FRAS1: variants seen among roughly 807,000 people sequenced by gnomAD.
The protein encoded by FRAS1 is Fraser extracellular matrix complex subunit 1, also known as extracellular matrix organizing protein FRAS1.
FRAS1 carries 290 observed loss-of-function variants against 435.2 expected under a neutral mutation model. That is an observed-to-expected ratio of 0.67 (90% confidence interval 0.61 to 0.73). The LOEUF (loss-of-function observed/expected upper bound fraction) is 0.73, where lower values mean the gene tolerates loss of function less well. Among genes scored for constraint, FRAS1 ranks in the 30% least tolerant of loss-of-function variants. The pLI, the probability that FRAS1 is intolerant of heterozygous loss-of-function variation, is 0.00. For synonymous variants in FRAS1, 1,800 were observed against 1,851.0 expected (o/e 0.97, Z 0.71); for missense variants, 4,860 against 5,001.5 (o/e 0.97, Z 0.85).
At chr4:78,325,622 G>T (rs778489981) in intron 18 of FRAS1, among the ~76,000 whole-genome samples, 11 of 152,150 alleles carry the variant, frequency 7.2e-5, no homozygotes, top group Non-Finnish European at 1.3e-4. Flanking sequence ...TTATAGCATG[G>T]GTGTGCCAGG....
intron 22 of FRAS1, among the ~76,000 whole-genome samples, chr4:78,369,313 C>G (rs1731403273): frequency 1.3e-5 from 2 of 152,136 alleles, no homozygotes; most frequent in Admixed American, 1.3e-4. Flanking sequence ...GGGATCATCC[C>G]TGAATGTCAG....
intron 38 of FRAS1, among the ~76,000 whole-genome samples, chr4:78,437,410 G>A (rs1734472302): frequency 6.6e-6 from 1 of 152,196 alleles, no homozygotes; most frequent in Non-Finnish European, 1.5e-5. Flanking sequence ...TCCAAGTGGA[G>A]AAAGTTTAAA....
intron 60 of FRAS1, 107 bp from the exon 61 acceptor site, chr4:78,499,607 TACTGTTA>T: frequency 1.0e-6 from 1 of 957,562 alleles, no homozygotes; most frequent in East Asian, 2.5e-5. Flanking sequence ...TTTGCCTTCA[TACTGTTA>T]ACTAATGTGA....
At position 78,282,906 on chromosome 4, in the gene FRAS1, A is replaced by G. The variant is rs758915158; in HGVS notation, c.1194A>G (p.Pro398=). 4 of 1,612,094 alleles carry G rather than the reference A, an allele frequency of 2.5e-6. No individual in the cohort carries two copies. Among genetic ancestry groups the G allele is most frequent in the Middle Eastern group, 3.6e-4 (2 of 5,582 alleles). The change falls in exon 12 of 74, where the codon CCA becomes CCG. Residue 398 remains proline, a synonymous_variant. Transcript: ENST00000512123. Reference sequence around the variant, plus strand: ...CTTGCTACGAGCCCTCTTGCCCACCATGTCCAGTGGGCACACTGGCCTTAG... The same window carrying G: ...CTTGCTACGAGCCCTCTTGCCCACCGTGTCCAGTGGGCACACTGGCCTTAG... ...QVTCYEPSCP[P]CPVGTLALEV...
At chr4:78,080,282 A>C (rs886470874) in intron 2 of FRAS1, among the ~76,000 whole-genome samples, 1 of 152,138 alleles carries the variant, frequency 6.6e-6, no homozygotes, top group Non-Finnish European at 1.5e-5. Context: ...TGCTGTCTGC[A>C]CTACCTTGGG....
At chr4:78,149,921 G>A in intron 2 of FRAS1, among the ~76,000 whole-genome samples, 1 of 152,138 alleles carries the variant, frequency 6.6e-6, no homozygotes, top group Non-Finnish European at 1.5e-5. Context: ...GTGTTTTTGT[G>A]TTCACCAAAG....
chr4:78,286,568 C>T (rs922716336), intron 14 of FRAS1, 29 bp downstream of exon 14: 1 of 1,606,356 alleles, frequency 6.2e-7, no homozygotes, highest in African/African-American at 1.3e-5. Context: ...ACAGTTGGGC[C>T]AGCTACCAAG....
At chr4:78,297,296 C>G (rs184351228) in intron 14 of FRAS1, among the ~76,000 whole-genome samples, 57 of 152,258 alleles carry the variant, frequency 3.7e-4, no homozygotes, top group African/African-American at 1.3e-3. Context: ...TGCTAATTCT[C>G]TGGAAACTTA....
intron 2 of FRAS1, among the ~76,000 whole-genome samples, chr4:78,121,630 A>T (rs542552307): frequency 1.6e-4 from 24 of 152,324 alleles, no homozygotes; most frequent in African/African-American, 5.8e-4. Flanking sequence ...GGGATGTTTT[A>T]TCTGACTCTT....
chr4:78,182,240 G>C lies in FRAS1; in HGVS notation c.109-55270G>C, dbSNP rs1447327581. Among the ~76,000 whole-genome samples the C allele has an allele frequency of 2.0e-5, 3 of 152,216 alleles. No individual in the cohort carries two copies. In the East Asian group the frequency reaches 5.8e-4, roughly 29 times the overall value. ...AAGCTCAGGATGCCATGAAAGTATA[G>C]AACAGGGGCAACCGTGTTGTGGTTA... is the stretch of plus-strand genomic sequence containing the variant. On this transcript the variant is annotated intron_variant, in intron 2 of 73. Coordinates refer to ENST00000512123, the MANE Select transcript of FRAS1 (RefSeq NM_025074.7).
At chr4:78,532,283 G>A (rs1224343441) in intron 70 of FRAS1, among the ~76,000 whole-genome samples, 1 of 152,042 alleles carries the variant, frequency 6.6e-6, no homozygotes, top group Non-Finnish European at 1.5e-5. Flanking sequence ...CCTCTTCCTG[G>A]AGGGCTTCCT....
intron 18 of FRAS1, among the ~76,000 whole-genome samples, chr4:78,332,794 A>G (rs1019365778): frequency 1.3e-5 from 2 of 152,194 alleles, no homozygotes; most frequent in Non-Finnish European, 1.5e-5. Context: ...ATGTTGGGCA[A>G]TTCTCATCTG....
chr4:78,520,827 G>A (rs1430913595), intron 67 of FRAS1, among the ~76,000 whole-genome samples: 1 of 152,178 alleles, frequency 6.6e-6, no homozygotes, highest in African/African-American at 2.4e-5. Flanking sequence ...TCTGTGAAAT[G>A]TCTTAGGCTC....
At chr4:78,135,737 G>C (rs1719890919) in intron 2 of FRAS1, among the ~76,000 whole-genome samples, 1 of 152,132 alleles carries the variant, frequency 6.6e-6, no homozygotes, top group Non-Finnish European at 1.5e-5. Flanking sequence ...ACTGCACATG[G>C]TTGGGCAGAT....
intron 60 of FRAS1, 83 bp from the exon 61 acceptor site, chr4:78,499,638 G>A: frequency 7.8e-7 from 1 of 1,281,482 alleles, no homozygotes; most frequent in East Asian, 2.4e-5. Flanking sequence ...ATTTCCTCTT[G>A]TCATTATAAG....
At chr4:78,207,491 A>G (rs1723312315) in intron 2 of FRAS1, among the ~76,000 whole-genome samples, 2 of 152,204 alleles carry the variant, frequency 1.3e-5, no homozygotes, top group East Asian at 1.9e-4. Context: ...TTTCAAAAAT[A>G]GTGTAGAAAT....
At chr4:78,410,013 T>C (rs1733270879) in intron 31 of FRAS1, among the ~76,000 whole-genome samples, 1 of 152,210 alleles carries the variant, frequency 6.6e-6, no homozygotes, top group South Asian at 2.1e-4. Context: ...TGAGCAAACA[T>C]TGGGTGCCCT....
chr4:78,380,630 A>C (rs1174047018), intron 27 of FRAS1, among the ~76,000 whole-genome samples: 1 of 152,218 alleles, frequency 6.6e-6, no homozygotes, highest in Admixed American at 6.5e-5. Context: ...TACTCCACAG[A>C]AGTCAGAGGG....
rs1002697276 is a variant in FRAS1, at chr4:78,248,330, C to CT, written c.309+3013dup. ...AATGCGTTTTAGAGTTGTTTGAATA[C>CT]TTTTTTTTCTGTGCTTTCCCCACAA... On this transcript the variant is annotated intron_variant, in intron 4 of 73. Transcript: ENST00000512123. Among the ~76,000 whole-genome samples, 56 of 152,196 alleles carry CT rather than the reference C, an allele frequency of 3.7e-4. No individual in the cohort carries two copies. The Middle Eastern group carries it at 0.01, about 28-fold the overall frequency.
Sources: allele counts gnomAD v4.1 joint callset (sites outside exome capture counted in the v4.1 genomes callset), GRCh38; gene constraint gnomAD v4.1.1; transcripts MANE v1.5; gene names NCBI Gene and HGNC (gene_info 2026-07-23, HGNC 2026-07-21).